The following BRCC3 variants were observed in gnomAD, a reference collection of about 807,000 sequenced individuals.
The protein encoded by BRCC3 is lys-63-specific deubiquitinase BRCC36.
Under a neutral mutation model 28.0 loss-of-function variants are expected in BRCC3, and 15 were observed. The ratio of observed to expected loss-of-function variants is 0.54; its 90% CI spans 0.36 to 0.82. BRCC3 has a LOEUF of 0.82. Ranked by LOEUF, BRCC3 falls within the 40% of genes least tolerant of loss-of-function variation. The probability of loss-of-function intolerance (pLI) is 0.01; values close to 1 mark genes in which losing one functional copy is unlikely to be tolerated. For synonymous variants in BRCC3, 66 were observed against 80.3 expected, an observed-to-expected ratio of 0.82 and a Z score of 0.95; for missense variants, 109 against 225.9, an observed-to-expected ratio of 0.48 and a Z score of 3.32.
At chrX:155,085,946 G>A (rs1557294786) in intron 5 of BRCC3, among the ~76,000 whole-genome samples, 1 of 111,875 alleles carries the variant, frequency 8.9e-6, no homozygotes, top group African/African-American at 3.3e-5. Context: ...ATTTCAGGAG[G>A]TTCTTTCCCT....
intron 6 of BRCC3, 38 bp downstream of exon 6, chrX:155,089,389 GTAGGGTC>G (rs1557295357): frequency 1.7e-5 from 14 of 846,962 alleles, no homozygotes; most frequent in Non-Finnish European, 2.4e-5. Flanking sequence ...GTGTGTGTGT[GTAGGGTC>G]TGTGTGTGTG....
intron 7 of BRCC3, among the ~76,000 whole-genome samples, chrX:155,101,574 A>G (rs1440552540): frequency 8.9e-6 from 1 of 112,159 alleles, no homozygotes; most frequent in African/African-American, 3.2e-5. Flanking sequence ...ATTAATGTGA[A>G]CACCTGGATC....
At chrX:155,086,845 C>T (rs931307343) in intron 5 of BRCC3, among the ~76,000 whole-genome samples, 54 of 112,178 alleles carry the variant, frequency 4.8e-4, no homozygotes, top group African/African-American at 1.7e-3. Flanking sequence ...TCCATTATAT[C>T]CCAAAGATGG....
intron 2 of BRCC3, 30 bp from the exon 3 acceptor site, chrX:155,073,347 C>CT (rs376767171): frequency 0.036 from 24,604 of 682,685 alleles, no homozygotes; most frequent in East Asian, 0.052. Flanking sequence ...ACCCCACTTC[C>CT]TTTTTTTTTT....
intron 3 of BRCC3, among the ~76,000 whole-genome samples, chrX:155,075,531 A>G (rs1176034528): frequency 9.0e-6 from 1 of 111,342 alleles, no homozygotes; most frequent in Non-Finnish European, 1.9e-5. Flanking sequence ...TTCCTTCCTG[A>G]CCCTTTCTAA....
chrX:155,091,310 C>T (rs1294431743), intron 7 of BRCC3, among the ~76,000 whole-genome samples: 1 of 108,860 alleles, frequency 9.2e-6, no homozygotes, highest in Non-Finnish European at 1.9e-5. Context: ...CTCACTGTGT[C>T]ACCCAGGCTG....
rs781951899 is a variant in BRCC3, at chrX:155,071,532, CGGTGCAGGT to C, written c.14_22del (p.Val5_Gln7del). ...CGTGAGAAGGGTCGGGCCAAGATGG[CGGTGCAGGT>C]GGTGCAGGCGGTGCAGGCGGTTCAT... On this transcript the variant is annotated inframe_deletion, in exon 1 of 11. Coordinates refer to ENST00000330045, the MANE Select transcript of BRCC3 (RefSeq NM_001018055.3). 17 of 1,201,767 alleles carry C rather than the reference CGGTGCAGGT, an allele frequency of 1.4e-5. No individual in the cohort carries two copies. The highest frequency in any genetic ancestry group is 7.2e-5 in the South Asian group (4 of 55,431).
At chrX:155,075,054 A>C (rs2074020206) in intron 3 of BRCC3, among the ~76,000 whole-genome samples, 1 of 112,744 alleles carries the variant, frequency 8.9e-6, no homozygotes, top group South Asian at 3.6e-4. Context: ...ATTTTAGTTA[A>C]CCTAAGTATC....
chrX:155,078,870 TATTG>T (rs1427179559), intron 5 of BRCC3, 167 bp downstream of exon 5: 9 of 374,241 alleles, frequency 2.4e-5, no homozygotes, highest in African/African-American at 2.4e-4. Flanking sequence ...ATTTATGTCA[TATTG>T]ATTGTTTTTA....
rs2074391101 is a variant in BRCC3, at chrX:155,122,069, G to C, written c.*865G>C. 9.2e-6 allele frequency: 1 copy of C among 108,852 alleles called. No homozygotes were observed. Among genetic ancestry groups the C allele is most frequent in the Admixed American group, 9.9e-5 (1 of 10,149 alleles). 9.0% of individuals were successfully genotyped at this position (108,852 alleles called of 1,213,427 possible). ...TTGAGCCCAGGAGTTTGAGGCTGCG[G>C]TGAGCTGTGATCACACCACCACACT... On this transcript the variant is annotated 3_prime_UTR_variant, in exon 11 of 11. Coordinates refer to ENST00000330045, the MANE Select transcript of BRCC3 (RefSeq NM_001018055.3).
At chrX:155,071,824 C>T (rs1327134034) in intron 1 of BRCC3, among the ~76,000 whole-genome samples, 174 bp downstream of exon 1, 6 of 111,666 alleles carry the variant, frequency 5.4e-5, no homozygotes, top group Non-Finnish European at 1.1e-4. Flanking sequence ...GGCCGCCTGA[C>T]ACTTGTTTAG....
chrX:155,075,245 TTCACCC>T lies in BRCC3; in HGVS notation c.195+1816_195+1821del, dbSNP rs1557293313. ...TTGTTTCAAAAGCCTTCTCTCAGAT[TTCACCC>T]TTGTCCCTTCAACATCTGATAATGC... On this transcript the variant is annotated intron_variant, in intron 3 of 10. Transcript: ENST00000330045. Among the ~76,000 whole-genome samples the T allele has an allele frequency of 9.9e-4, 54 of 54,707 alleles. No individual in the cohort carries two copies. The African/African-American group carries it at 0.018, about 18-fold the overall frequency. 47.5% of individuals were successfully genotyped at this position (54,707 alleles called of 115,157 possible). A position where few individuals can be genotyped will look rare whatever the true frequency, so the allele number is the denominator to read the frequency against.
intron 7 of BRCC3, among the ~76,000 whole-genome samples, chrX:155,102,175 A>G (rs2074250548): frequency 8.9e-6 from 1 of 112,060 alleles, no homozygotes; most frequent in Admixed American, 9.4e-5. Flanking sequence ...CCTTGGGGAA[A>G]TACCTAGGAT....
chrX:155,120,921 C>CT (rs2074385085), intron 10 of BRCC3, among the ~76,000 whole-genome samples: 1 of 112,201 alleles, frequency 8.9e-6, no homozygotes, highest in South Asian at 3.7e-4. Context: ...AAAAGACATA[C>CT]TTTTCTGTGT....
chrX:155,083,027 C>A (rs1209073633), intron 5 of BRCC3, among the ~76,000 whole-genome samples: 1 of 112,064 alleles, frequency 8.9e-6, no homozygotes, highest in Non-Finnish European at 1.9e-5. Flanking sequence ...TGGTGCTAGG[C>A]CTTTGTCAGC....
chrX:155,122,158 T>G lies in BRCC3; in HGVS notation c.*954T>G, dbSNP rs1602820765. ...AAAAAAAGGCCACAAAACTCAACAATAAAAACAAACAGTCCAATTAGAAAA... is the reference window on the plus strand; with the variant it reads ...AAAAAAAGGCCACAAAACTCAACAAGAAAAACAAACAGTCCAATTAGAAAA... On this transcript the variant is annotated 3_prime_UTR_variant, in exon 11 of 11. Transcript: ENST00000330045. 1 of 104,722 alleles carries G rather than the reference T, an allele frequency of 9.5e-6. No homozygotes were observed. The highest frequency in any genetic ancestry group is 1.0e-4 in the Admixed American group (1 of 9,830). The allele number at this position is 104,722 out of a possible 1,213,427, so 8.6% of individuals were successfully genotyped here. A position where few individuals can be genotyped will look rare whatever the true frequency, so the allele number is the denominator to read the frequency against.
chrX:155,110,278 T>C (rs1023315061), intron 7 of BRCC3, among the ~76,000 whole-genome samples: 3 of 111,562 alleles, frequency 2.7e-5, no homozygotes, highest in Non-Finnish European at 5.7e-5. Flanking sequence ...TTGTGTAAGT[T>C]TGGGTTTTTT....
Position 155,106,982 on chromosome X carries a change from T to C in BRCC3, c.549-9075T>C, listed in dbSNP as rs782116850. Among the ~76,000 whole-genome samples the C allele has an allele frequency of 1.6e-3, 177 of 112,545 alleles. 1 individual carries two copies. The highest frequency in any genetic ancestry group is 5.5e-3 in the African/African-American group (170 of 31,076). On this transcript the variant is annotated intron_variant, in intron 7 of 10. Transcript: ENST00000330045. The stretch of plus-strand genomic sequence containing the variant: ...TATTTCAATAGTTATCTCCCCCTTG[T>C]CATTTCATATTTTGTATATTTGTGC...
At chrX:155,084,314 TCTG>T (rs781987158) in intron 5 of BRCC3, among the ~76,000 whole-genome samples, 2 of 112,232 alleles carry the variant, frequency 1.8e-5, no homozygotes, top group African/African-American at 6.5e-5. Flanking sequence ...CATTTTAAGA[TCTG>T]CTCAATTTTT....
Sources: allele counts gnomAD v4.1 joint callset (sites outside exome capture counted in the v4.1 genomes callset), GRCh38; gene constraint gnomAD v4.1.1; transcripts MANE v1.5; gene names NCBI Gene and HGNC (gene_info 2026-07-23, HGNC 2026-07-21).